Variants in CDKAL1 observed in about 807,000 individuals in gnomAD.
CDKAL1 encodes CDKAL1 threonylcarbamoyladenosine tRNA methylthiotransferase, also known as threonylcarbamoyladenosine tRNA methylthiotransferase.
In CDKAL1, 32 loss-of-function variants were observed where a neutral mutation model predicts 68.2. The observed-to-expected ratio is 0.47, with a 90% CI of 0.35 to 0.63. CDKAL1 has a LOEUF of 0.63. Ranked by LOEUF, CDKAL1 falls within the 30% of genes least tolerant of loss-of-function variation. CDKAL1 has a pLI of 0.00. For missense variants in CDKAL1, 606 were observed against 696.7 expected (o/e 0.87, Z 1.47); for synonymous variants, 234 against 244.3 (o/e 0.96, Z 0.39).
intron 6 of CDKAL1, among the ~76,000 whole-genome samples, chr6:20,756,954 T>C (rs1043291408): frequency 1.2e-4 from 17 of 145,502 alleles, no homozygotes; most frequent in African/African-American, 3.3e-4. Flanking sequence ...CCTTCCTTCC[T>C]TCCTTTCCTT....
At position 20,929,592 on chromosome 6, in the gene CDKAL1, T is replaced by G. The variant is rs572306316; in HGVS notation, c.743-25827T>G. 3.3e-4 allele frequency among the ~76,000 whole-genome samples: 51 copies of G among 152,364 alleles called. 1 individual carries two copies. In the South Asian group the frequency reaches 0.01, roughly 30 times the overall value. ...TTTTTGCCTTACATCTGACCTTTTTTAACGTTCAAAAGTGTCAAAATAGAT... is the reference window on the plus strand; with the variant it reads ...TTTTTGCCTTACATCTGACCTTTTTGAACGTTCAAAAGTGTCAAAATAGAT... On this transcript the variant is annotated intron_variant, in intron 9 of 15. Transcript: ENST00000274695.
At chr6:20,729,467 G>A (rs985010450) in intron 5 of CDKAL1, among the ~76,000 whole-genome samples, 1 of 152,164 alleles carries the variant, frequency 6.6e-6, no homozygotes, top group Non-Finnish European at 1.5e-5. Context: ...ATTGGACATA[G>A]TTTACATCCT....
intron 4 of CDKAL1, among the ~76,000 whole-genome samples, chr6:20,606,690 C>T (rs537008160): frequency 6.6e-6 from 1 of 152,092 alleles, no homozygotes; most frequent in Non-Finnish European, 1.5e-5. Context: ...TCAGGCTGAA[C>T]GAGTTGATCC....
chr6:20,542,122 G>T (rs1763414350), intron 2 of CDKAL1, among the ~76,000 whole-genome samples: 1 of 152,322 alleles, frequency 6.6e-6, no homozygotes, highest in East Asian at 1.9e-4. Flanking sequence ...TGCATAATTT[G>T]TCATAGCTGT....
intron 10 of CDKAL1, among the ~76,000 whole-genome samples, chr6:20,964,730 A>G (rs1257694087): frequency 6.6e-6 from 1 of 152,104 alleles, no homozygotes; most frequent in Non-Finnish European, 1.5e-5. Flanking sequence ...CTGTACAACA[A>G]ACCCCCATGA....
At chr6:20,566,355 C>A (rs116620228) in intron 4 of CDKAL1, among the ~76,000 whole-genome samples, 3,609 of 152,060 alleles carry the variant, frequency 0.024, 131 homozygotes, top group African/African-American at 0.076. Flanking sequence ...AATTTCGATC[C>A]TCTGTGTTGG....
At chr6:21,136,720 G>A (rs1027061706) in intron 13 of CDKAL1, among the ~76,000 whole-genome samples, 9 of 151,886 alleles carry the variant, frequency 5.9e-5, no homozygotes, top group African/African-American at 2.2e-4. Flanking sequence ...TGTGGTTCTT[G>A]TGTCAACTTC....
chr6:20,649,622 T>C (rs1768655652), intron 5 of CDKAL1, among the ~76,000 whole-genome samples: 1 of 152,190 alleles, frequency 6.6e-6, no homozygotes, highest in Non-Finnish European at 1.5e-5. Context: ...GTTTGTTACA[T>C]AGGCAAACAT....
At chr6:20,953,478 A>G (rs1237461840) in intron 9 of CDKAL1, among the ~76,000 whole-genome samples, 1 of 152,224 alleles carries the variant, frequency 6.6e-6, no homozygotes, top group African/African-American at 2.4e-5. Context: ...CTGGAAAATC[A>G]TGGATAATGT....
intron 9 of CDKAL1, among the ~76,000 whole-genome samples, chr6:20,946,515 C>T (rs1764242602): frequency 2.6e-5 from 4 of 152,048 alleles, no homozygotes; most frequent in Non-Finnish European, 4.4e-5. Context: ...CAGGGGTGAG[C>T]CAATACGGCT....
At chr6:20,927,585 G>A (rs1173310042) in intron 9 of CDKAL1, among the ~76,000 whole-genome samples, 5 of 152,048 alleles carry the variant, frequency 3.3e-5, no homozygotes, top group Admixed American at 6.6e-5. Context: ...TTTGACCTGC[G>A]GTGGACAGGA....
intron 9 of CDKAL1, among the ~76,000 whole-genome samples, chr6:20,919,147 T>C (rs1322282249): frequency 2.6e-5 from 4 of 152,162 alleles, no homozygotes; most frequent in Non-Finnish European, 5.9e-5. Flanking sequence ...CAAGTCAGGA[T>C]GGGGTCTACA....
rs888924244 is a variant in CDKAL1 at position 20,546,245 on chromosome 6, A to G, written c.-5-101A>G. On this transcript the variant is annotated intron_variant, in intron 2 of 15. Coordinates refer to ENST00000274695, the MANE Select transcript of CDKAL1 (RefSeq NM_017774.3). ...TTCTATAAATTTGAAGTTAGATCCA[A>G]AGGCTTGATTAGATTCAAATTTGGT... is the stretch of plus-strand genomic sequence containing the variant. 10 of 866,168 alleles carry G rather than the reference A, an allele frequency of 1.2e-5. No individual in the cohort carries two copies. The African/African-American group carries it at 1.7e-4, about 15-fold the overall frequency. 53.7% of individuals were successfully genotyped at this position (866,168 alleles called of 1,614,324 possible).
chr6:20,683,379 A>T lies in CDKAL1; in HGVS notation c.371+34002A>T, dbSNP rs187748289. ...TTTGTTTCTTATTTTTATTGTGTTA[A>T]TATAGATCCATTAGAGTACCAGAGT... On this transcript the variant is annotated intron_variant, in intron 5 of 15. Coordinates refer to ENST00000274695, the MANE Select transcript of CDKAL1 (RefSeq NM_017774.3). Among the ~76,000 whole-genome samples the T allele has an allele frequency of 4.6e-3, 702 of 152,232 alleles. 3 individuals carry two copies. The highest frequency in any genetic ancestry group is 0.015 in the African/African-American group (638 of 41,518).
At chr6:20,788,193 G>A (rs184435391) in intron 8 of CDKAL1, among the ~76,000 whole-genome samples, 7 of 151,022 alleles carry the variant, frequency 4.6e-5, no homozygotes, top group East Asian at 1.9e-4. Context: ...TCCTCTGGAA[G>A]GTGGCCTTTC....
At position 20,739,536 on chromosome 6, in the gene CDKAL1, A is replaced by G; in HGVS notation, c.389A>G (p.Asn130Ser). Residue 130 changes from asparagine to serine, a missense_variant, in exon 6 of 16, where the codon AAC (asparagine) becomes AGC (serine). Coordinates refer to ENST00000274695, the MANE Select transcript of CDKAL1 (RefSeq NM_017774.3). ...TCTTTTAGAAAAGCTCAAGAGGAGA[A>G]CAAGAAAATCGTACTGGCTGGATGC... is the stretch of plus-strand genomic sequence containing the variant. ...RNSIKKAQEE[N>S]KKIVLAGCVP... The G allele has an allele frequency of 6.2e-7, 1 of 1,611,586 alleles. No homozygotes were observed. The highest frequency in any genetic ancestry group is 8.5e-7 in the Non-Finnish European group (1 of 1,178,180).
chr6:21,041,856 G>A (rs1280054302), intron 11 of CDKAL1, among the ~76,000 whole-genome samples: 3 of 152,130 alleles, frequency 2.0e-5, no homozygotes, highest in African/African-American at 7.2e-5. Context: ...CATGTTTCAT[G>A]TGTATCAGTA....
chr6:20,618,199 G>T (rs1767012247), intron 4 of CDKAL1, among the ~76,000 whole-genome samples: 1 of 152,136 alleles, frequency 6.6e-6, no homozygotes, highest in Non-Finnish European at 1.5e-5. Context: ...GTGTCTGTTG[G>T]CTGCATAAAC....
chr6:21,022,582 A>G (rs1489736860), intron 11 of CDKAL1, among the ~76,000 whole-genome samples: 1 of 152,186 alleles, frequency 6.6e-6, no homozygotes, highest in East Asian at 1.9e-4. Flanking sequence ...AACCATTACC[A>G]GTAAACTCTG....
Sources: allele counts gnomAD v4.1 joint callset (sites outside exome capture counted in the v4.1 genomes callset), GRCh38; gene constraint gnomAD v4.1.1; transcripts MANE v1.5; gene names NCBI Gene and HGNC (gene_info 2026-07-23, HGNC 2026-07-21).